Variants in COLEC10 observed in about 807,000 individuals in gnomAD.
The protein encoded by COLEC10 is collectin-10.
In COLEC10, 22 loss-of-function variants were observed where a neutral mutation model predicts 28.4. The observed-to-expected ratio is 0.78, with a 90% confidence interval of 0.55 to 1.11. The LOEUF (loss-of-function observed/expected upper bound fraction) is 1.11, where lower values mean the gene tolerates loss of function less well. COLEC10 is among the 50% of genes least tolerant of loss of function. The pLI, the probability that COLEC10 is intolerant of heterozygous loss-of-function variation, is 0.00. For missense variants in COLEC10, 361 were observed against 344.1 expected, an observed-to-expected ratio of 1.05 and a Z score of -0.39; for synonymous variants, 125 against 116.1, an observed-to-expected ratio of 1.08 and a Z score of -0.49.
At chr8:118,983,877 C>T in the COLEC10 span, among the ~76,000 whole-genome samples, 2 of 152,088 alleles carry the variant, frequency 1.3e-5, no homozygotes, top group South Asian at 4.1e-4. Context: ...TGCTTAAACA[C>T]TGCTGGTGGG....
intron 2 of COLEC10, among the ~76,000 whole-genome samples, chr8:119,090,256 G>A (rs570139109): frequency 2.0e-5 from 3 of 152,286 alleles, no homozygotes; most frequent in East Asian, 1.9e-4. Flanking sequence ...GGTGGGGTAC[G>A]GGAGGAGTGG....
intron 1 of COLEC10, among the ~76,000 whole-genome samples, chr8:119,076,193 G>A (rs1815230602): frequency 6.7e-6 from 1 of 150,370 alleles, no homozygotes; most frequent in Admixed American, 6.7e-5. Context: ...TTACAGGAGT[G>A]AGCCACCACA....
the COLEC10 span, among the ~76,000 whole-genome samples, chr8:118,960,707 C>T: frequency 1.5e-4 from 22 of 147,696 alleles, no homozygotes; most frequent in Admixed American, 1.3e-3. Flanking sequence ...ATCGCTTGAA[C>T]CGGTGGGGGG....
intron 3 of COLEC10, among the ~76,000 whole-genome samples, chr8:119,100,853 C>A (rs1172106481): frequency 6.6e-6 from 1 of 152,124 alleles, no homozygotes; most frequent in Non-Finnish European, 1.5e-5. Flanking sequence ...CTTCAAGGAC[C>A]CCCACCTTCT....
intron 2 of COLEC10, among the ~76,000 whole-genome samples, chr8:119,017,680 C>A (rs1814018844): frequency 6.6e-6 from 1 of 152,124 alleles, no homozygotes; most frequent in African/African-American, 2.4e-5. Flanking sequence ...ACTATGCATA[C>A]CACTGTGATT....
chr8:119,100,405 G>A (rs915397236), intron 3 of COLEC10, among the ~76,000 whole-genome samples: 2 of 152,160 alleles, frequency 1.3e-5, no homozygotes, highest in African/African-American at 4.8e-5. Flanking sequence ...CTGGTACTTA[G>A]TAAAATGTAT....
chr8:119,054,636 C>T lies in COLEC10; in HGVS notation n.236-35044C>T, dbSNP rs530017015. ...TCTGAAATCACTCACATCATTCTTA[C>T]TGGGTCCTGTCCCTAGATTCTTGCT... is the stretch of plus-strand genomic sequence containing the variant. On this transcript the variant is annotated intron_variant and non_coding_transcript_variant, in intron 2 of 6. Transcript: ENST00000521788. Among the ~76,000 whole-genome samples the T allele has an allele frequency of 1.8e-4, 27 of 152,192 alleles. No individual in the cohort carries two copies. The South Asian group carries it at 2.7e-3, about 15-fold the overall frequency.
At chr8:118,991,889 G>T (rs1813511325), upstream of COLEC10, among the ~76,000 whole-genome samples, 2 of 152,130 alleles carry the variant, frequency 1.3e-5, no homozygotes, top group Middle Eastern at 3.4e-3. Context: ...CAAGAGACAG[G>T]TATTATTATT....
chr8:119,048,819 G>A (rs1419971456), intron 2 of COLEC10, among the ~76,000 whole-genome samples: 1 of 152,050 alleles, frequency 6.6e-6, no homozygotes, highest in African/African-American at 2.4e-5. Context: ...TTTAAATGGG[G>A]CATTTAGCCC....
At chr8:118,993,260 TC>T (rs1048381975), upstream of COLEC10, among the ~76,000 whole-genome samples, 15 of 152,178 alleles carry the variant, frequency 9.9e-5, no homozygotes, top group African/African-American at 3.6e-4. Flanking sequence ...GGATTTTTTT[TC>T]CCAAGGCCTT....
chr8:119,107,450 C>G lies in COLEC10; in HGVS notation c.*1259C>G, dbSNP rs888522296. On this transcript the variant is annotated 3_prime_UTR_variant, in exon 6 of 6. Coordinates refer to ENST00000332843, the MANE Select transcript of COLEC10 (RefSeq NM_006438.5). ...ATACTCTAGATTATCACCCTATAAA[C>G]TTCTACTCCAGTTATGGTTTCTGAC... 3.9e-5 allele frequency among the ~76,000 whole-genome samples: 6 copies of G among 152,206 alleles called. No individual in the cohort carries two copies. The highest frequency in any genetic ancestry group is 8.8e-5 in the Non-Finnish European group (6 of 68,030).
chr8:119,106,407 A>G lies in COLEC10; in HGVS notation c.*216A>G. The G allele has an allele frequency of 6.1e-6, 3 of 491,726 alleles. No homozygotes were observed. Among genetic ancestry groups the G allele is most frequent in the Non-Finnish European group, 1.1e-5 (3 of 274,498 alleles). 30.5% of individuals were successfully genotyped at this position (491,726 alleles called of 1,614,324 possible). On this transcript the variant is annotated 3_prime_UTR_variant, in exon 6 of 6. Transcript: ENST00000332843. The stretch of plus-strand genomic sequence containing the variant: ...TTGACCCAATAACTCGCCAGGTTAC[A>G]TGGGTCTTGAGAGAGAATTTTAATT...
chr8:118,985,952 T>C, the COLEC10 span, among the ~76,000 whole-genome samples: 3 of 152,042 alleles, frequency 2.0e-5, no homozygotes, highest in African/African-American at 7.2e-5. Context: ...TGCCAAGCAG[T>C]GACCAGAAGA....
At chr8:119,097,587 T>G (rs1262909408) in intron 3 of COLEC10, among the ~76,000 whole-genome samples, 1 of 152,142 alleles carries the variant, frequency 6.6e-6, no homozygotes, top group Non-Finnish European at 1.5e-5. Flanking sequence ...TTTCCATTTT[T>G]AATTTTGTAT....
In COLEC10 at chr8:119,104,637, T is replaced by C. The variant is rs76416599; in HGVS notation, c.442+742T>C. ...TTCTTTTTCTTATACTTTCATTTAT[T>C]GTAACTCAGCAATATTTGCTGTACA... On this transcript the variant is annotated intron_variant, in intron 5 of 5. Transcript: ENST00000332843. Among the ~76,000 whole-genome samples, 18 of 152,334 alleles carry C rather than the reference T, an allele frequency of 1.2e-4. No individual in the cohort carries two copies. The East Asian group carries it at 3.3e-3, about 28-fold the overall frequency.
the COLEC10 span, among the ~76,000 whole-genome samples, chr8:118,972,258 G>T: frequency 6.6e-6 from 1 of 151,952 alleles, no homozygotes; most frequent in Non-Finnish European, 1.5e-5. Context: ...CTAGAAGGAA[G>T]CAGAGACCCT....
At chr8:119,074,330 C>A (rs1275153273) in intron 1 of COLEC10, among the ~76,000 whole-genome samples, 2 of 151,984 alleles carry the variant, frequency 1.3e-5, no homozygotes, top group African/African-American at 4.8e-5. Flanking sequence ...CTTGAGTATA[C>A]CCAGTTTTCC....
At chr8:119,061,263 G>A (rs181405536) in intron 2 of COLEC10, among the ~76,000 whole-genome samples, 2 of 152,086 alleles carry the variant, frequency 1.3e-5, no homozygotes, top group Admixed American at 6.5e-5. Context: ...GGTCTTGAGA[G>A]ACAGAGATGG....
At chr8:119,017,799 C>G (rs183165877) in intron 2 of COLEC10, among the ~76,000 whole-genome samples, 4 of 152,188 alleles carry the variant, frequency 2.6e-5, no homozygotes, top group African/African-American at 9.6e-5. Context: ...GACACAAATC[C>G]TGGCCCATAG....
Sources: gnomAD v4.1 joint callset for allele counts (sites outside exome capture counted in the v4.1 genomes callset) on GRCh38, gnomAD v4.1.1 for gene constraint, MANE v1.5 for transcripts, NCBI Gene and HGNC (gene_info 2026-07-23, HGNC 2026-07-21) for gene names.